Variants in EFNA5 observed in about 807,000 individuals in gnomAD.
EFNA5 encodes the protein ephrin-A5.
A neutral mutation model predicts 22.9 loss-of-function variants in EFNA5; 5 were observed. That is an observed-to-expected ratio of 0.22 (90% CI 0.11 to 0.46). The LOEUF (loss-of-function observed/expected upper bound fraction) is 0.46, where lower values mean the gene tolerates loss of function less well. Among genes scored for constraint, EFNA5 ranks in the 20% least tolerant of loss-of-function variants. The pLI, the probability that EFNA5 is intolerant of heterozygous loss-of-function variation, is 0.99. For synonymous variants in EFNA5, 113 were observed against 112.2 expected (o/e 1.01, Z -0.04); for missense variants, 237 against 293.3 (o/e 0.81, Z 1.40).
chr5:107,631,974 G>C (rs571247776), intron 1 of EFNA5, among the ~76,000 whole-genome samples: 3 of 152,196 alleles, frequency 2.0e-5, no homozygotes, highest in African/African-American at 7.2e-5. Flanking sequence ...TACCTCCCAG[G>C]AGATTCTTGC....
At chr5:107,384,076 T>C (rs1470537991) in intron 4 of EFNA5, among the ~76,000 whole-genome samples, 1 of 152,186 alleles carries the variant, frequency 6.6e-6, no homozygotes, top group Non-Finnish European at 1.5e-5. Flanking sequence ...TGGAAGATTC[T>C]ACAGCCCCCA....
intron 1 of EFNA5, among the ~76,000 whole-genome samples, chr5:107,602,187 C>G (rs1749614255): frequency 6.6e-6 from 1 of 152,200 alleles, no homozygotes; most frequent in South Asian, 2.1e-4. Flanking sequence ...TGTTTTCAGT[C>G]TCCATTTAAT....
chr5:107,523,655 C>A (rs1201518266), intron 1 of EFNA5, among the ~76,000 whole-genome samples: 1 of 152,192 alleles, frequency 6.6e-6, no homozygotes, highest in Non-Finnish European at 1.5e-5. Flanking sequence ...TTCAGTTACC[C>A]GAATTCTACA....
intron 1 of EFNA5, among the ~76,000 whole-genome samples, chr5:107,499,120 C>T (rs984340029): frequency 6.6e-6 from 1 of 152,050 alleles, no homozygotes; most frequent in Non-Finnish European, 1.5e-5. Flanking sequence ...TTTGGTTAGT[C>T]ATTCTAAATC....
intron 1 of EFNA5, among the ~76,000 whole-genome samples, chr5:107,496,219 C>T (rs1746978432): frequency 6.7e-6 from 1 of 149,944 alleles, no homozygotes; most frequent in Non-Finnish European, 1.5e-5. Context: ...GTGGCAGGCA[C>T]CTGTAATCCC....
intron 1 of EFNA5, among the ~76,000 whole-genome samples, chr5:107,491,893 G>T (rs1197144175): frequency 6.6e-6 from 1 of 152,080 alleles, no homozygotes; most frequent in Admixed American, 6.5e-5. Flanking sequence ...AGTGTGCAGT[G>T]GTGCAATCTC....
chr5:107,553,982 C>G (rs1291168045), intron 1 of EFNA5, among the ~76,000 whole-genome samples: 1 of 152,002 alleles, frequency 6.6e-6, no homozygotes, highest in Non-Finnish European at 1.5e-5. Context: ...TATTATTTAG[C>G]CTGGGATGTG....
intron 1 of EFNA5, among the ~76,000 whole-genome samples, chr5:107,552,903 A>C (rs893709705): frequency 6.6e-6 from 1 of 152,232 alleles, no homozygotes; most frequent in South Asian, 2.1e-4. Context: ...TATAAGCTGT[A>C]ACATGTGGGC....
chr5:107,638,447 C>T (rs1438525949), intron 1 of EFNA5, among the ~76,000 whole-genome samples: 1 of 152,082 alleles, frequency 6.6e-6, no homozygotes, highest in Non-Finnish European at 1.5e-5. Flanking sequence ...GTGGCTACAG[C>T]TAATAACAAT....
Position 107,538,977 on chromosome 5 carries a change from A to C in EFNA5, c.126-111468T>G, listed in dbSNP as rs552722394. Among the ~76,000 whole-genome samples, 3 of 152,340 alleles carry C rather than the reference A, an allele frequency of 2.0e-5. No homozygotes were observed. In the East Asian group the frequency reaches 5.8e-4, roughly 29 times the overall value. ...TTAACAACTGCACACATGGGAACAA[A>C]AGCGACTGTCACAACATTCACAGCT... On this transcript the variant is annotated intron_variant, in intron 1 of 4. Transcript: ENST00000333274.
chr5:107,388,729 A>T (rs1362097831), intron 2 of EFNA5, among the ~76,000 whole-genome samples: 4 of 152,172 alleles, frequency 2.6e-5, no homozygotes, highest in Non-Finnish European at 4.4e-5. Flanking sequence ...TTTCCTCCCT[A>T]TGTGTTTGCT....
chr5:107,389,867 C>T (rs148608694), intron 2 of EFNA5, among the ~76,000 whole-genome samples: 1 of 152,330 alleles, frequency 6.6e-6, no homozygotes, highest in African/African-American at 2.4e-5. Flanking sequence ...AACCTCTCTT[C>T]CCTAACAACC....
intron 1 of EFNA5, among the ~76,000 whole-genome samples, chr5:107,567,870 A>G (rs759321792): frequency 4.7e-4 from 72 of 152,278 alleles, no homozygotes; most frequent in Middle Eastern, 3.4e-3. Flanking sequence ...TAATATTTAC[A>G]TTCAAGTTCT....
At chr5:107,556,213 C>A (rs1748410944) in intron 1 of EFNA5, among the ~76,000 whole-genome samples, 1 of 152,220 alleles carries the variant, frequency 6.6e-6, no homozygotes, top group Admixed American at 6.5e-5. Context: ...CTTAGTCTCT[C>A]CCACATCAAC....
At chr5:107,608,431 C>G (rs1322774001) in intron 1 of EFNA5, among the ~76,000 whole-genome samples, 1 of 152,236 alleles carries the variant, frequency 6.6e-6, no homozygotes, top group Admixed American at 6.5e-5. Context: ...AAATTCACTG[C>G]TCAAACTCTA....
intron 1 of EFNA5, among the ~76,000 whole-genome samples, chr5:107,532,307 G>C (rs1747829666): frequency 6.6e-6 from 1 of 152,234 alleles, no homozygotes. Context: ...GATAGGTAAA[G>C]TCAGTCTGGC....
intron 1 of EFNA5, among the ~76,000 whole-genome samples, chr5:107,583,552 G>A (rs1227349358): frequency 6.6e-6 from 1 of 152,128 alleles, no homozygotes; most frequent in African/African-American, 2.4e-5. Context: ...TTCTTGCTTG[G>A]TAAGAAGCAA....
intron 1 of EFNA5, among the ~76,000 whole-genome samples, chr5:107,590,931 T>C (rs1443925861): frequency 6.6e-6 from 1 of 152,214 alleles, no homozygotes; most frequent in Non-Finnish European, 1.5e-5. Context: ...TGGTTCTTAA[T>C]GCAAAAATTT....
chr5:107,512,403 C>T (rs575971044), intron 1 of EFNA5, among the ~76,000 whole-genome samples: 138 of 152,218 alleles, frequency 9.1e-4, no homozygotes, highest in Non-Finnish European at 1.5e-3. Flanking sequence ...AACACAAAAA[C>T]CCCCACCTTG....
Sources: allele counts gnomAD v4.1 joint callset (sites outside exome capture counted in the v4.1 genomes callset), GRCh38; gene constraint gnomAD v4.1.1; transcripts MANE v1.5; gene names NCBI Gene and HGNC (gene_info 2026-07-23, HGNC 2026-07-21).